The following TOX variants were observed in gnomAD, a reference collection of about 807,000 sequenced individuals.
TOX encodes the protein thymocyte selection associated high mobility group box, also known as thymocyte selection-associated high mobility group box protein TOX.
In TOX, 11 loss-of-function variants were observed where a neutral mutation model predicts 53.7. The ratio of observed to expected loss-of-function variants is 0.20; its 90% confidence interval spans 0.13 to 0.34. The LOEUF (loss-of-function observed/expected upper bound fraction) is 0.34, where lower values mean the gene tolerates loss of function less well. Ranked by LOEUF, TOX falls within the 10% of genes least tolerant of loss-of-function variation. TOX has a pLI of 1.00. For synonymous variants in TOX, 225 were observed against 245.3 expected, an observed-to-expected ratio of 0.92 and a Z score of 0.77; for missense variants, 570 against 664.6, an observed-to-expected ratio of 0.86 and a Z score of 1.56.
At chr8:58,877,405 C>T (rs947812201) in intron 3 of TOX, among the ~76,000 whole-genome samples, 1 of 152,092 alleles carries the variant, frequency 6.6e-6, no homozygotes, top group African/African-American at 2.4e-5. Flanking sequence ...TATAGTAGCA[C>T]CAGAGGGAAT....
chr8:58,869,958 G>T (rs939252088), intron 3 of TOX, among the ~76,000 whole-genome samples: 1 of 151,926 alleles, frequency 6.6e-6, no homozygotes, highest in African/African-American at 2.4e-5. Context: ...TAAATCCTAT[G>T]GTTGATATCA....
intron 1 of TOX, among the ~76,000 whole-genome samples, chr8:59,074,517 T>C (rs1804258749): frequency 6.6e-6 from 1 of 152,176 alleles, no homozygotes; most frequent in Non-Finnish European, 1.5e-5. Context: ...CCCCGACGGA[T>C]GAATCTTATT....
rs550207757 is a variant in TOX at position 59,058,738 on chromosome 8, C to T, written c.102+60148G>A. On this transcript the variant is annotated intron_variant, in intron 1 of 8. Transcript: ENST00000361421. ...CAGGTTCCAGAAGGAGCTCAGGAGGCTCCATGGTGCCTTTCCCCACCTGCA... is the reference window on the plus strand; with the variant it reads ...CAGGTTCCAGAAGGAGCTCAGGAGGTTCCATGGTGCCTTTCCCCACCTGCA... Among the ~76,000 whole-genome samples, 4 of 152,302 alleles carry T rather than the reference C, an allele frequency of 2.6e-5. No individual in the cohort carries two copies. In the East Asian group the frequency reaches 7.7e-4, roughly 29 times the overall value.
At chr8:58,840,422 G>A (rs10103680) in intron 4 of TOX, among the ~76,000 whole-genome samples, 26,775 of 151,860 alleles carry the variant, frequency 0.18, 3,427 homozygotes, top group African/African-American at 0.36. Flanking sequence ...CTTGATATTC[G>A]ACAAACTGGC....
intron 1 of TOX, among the ~76,000 whole-genome samples, chr8:59,011,985 C>T (rs1266516270): frequency 6.6e-6 from 1 of 152,188 alleles, no homozygotes. Context: ...AGCTCAGTTA[C>T]AACATGGCCT....
chr8:59,078,533 G>A (rs1203980400), intron 1 of TOX, among the ~76,000 whole-genome samples: 3 of 152,192 alleles, frequency 2.0e-5, no homozygotes, highest in Non-Finnish European at 4.4e-5. Context: ...CACCATGATT[G>A]TAAGCTTCCT....
intron 3 of TOX, among the ~76,000 whole-genome samples, chr8:58,909,692 C>T (rs1484200603): frequency 1.3e-5 from 2 of 149,756 alleles, no homozygotes; most frequent in African/African-American, 4.9e-5. Context: ...AAGTCTCACT[C>T]TGTCATCCAG....
chr8:58,887,222 G>A (rs4737525), intron 3 of TOX, among the ~76,000 whole-genome samples: 85,276 of 151,518 alleles, frequency 0.56, 24,837 homozygotes, highest in African/African-American at 0.71. Context: ...ATTTTATTTA[G>A]GTTTTTGTGT....
At chr8:58,996,745 T>G (rs538454258) in intron 1 of TOX, among the ~76,000 whole-genome samples, 1 of 152,350 alleles carries the variant, frequency 6.6e-6, no homozygotes, top group South Asian at 2.1e-4. Flanking sequence ...TTATGCCCAT[T>G]AGAAAACTAT....
intron 3 of TOX, among the ~76,000 whole-genome samples, chr8:58,863,545 G>T (rs894785364): frequency 6.6e-6 from 1 of 152,088 alleles, no homozygotes; most frequent in African/African-American, 2.4e-5. Flanking sequence ...TTTGTCACAG[G>T]GCGCCTGATC....
At chr8:58,974,874 T>C (rs1406348509) in intron 1 of TOX, among the ~76,000 whole-genome samples, 1 of 152,234 alleles carries the variant, frequency 6.6e-6, no homozygotes, top group African/African-American at 2.4e-5. Context: ...GCACTATTAA[T>C]TTTATGAATG....
intron 3 of TOX, among the ~76,000 whole-genome samples, chr8:58,931,294 T>A (rs1812249431): frequency 6.6e-6 from 1 of 151,944 alleles, no homozygotes; most frequent in Non-Finnish European, 1.5e-5. Context: ...AGCTCTGCCA[T>A]CCATTGTCAT....
At chr8:58,983,400 T>G (rs1813237721) in intron 1 of TOX, among the ~76,000 whole-genome samples, 2 of 152,216 alleles carry the variant, frequency 1.3e-5, no homozygotes, top group Admixed American at 6.5e-5. Flanking sequence ...CAACCACACT[T>G]AAAGAACCCC....
chr8:58,951,374 G>C (rs1812617338), intron 2 of TOX, among the ~76,000 whole-genome samples: 1 of 152,130 alleles, frequency 6.6e-6, no homozygotes. Flanking sequence ...GACACTGGGG[G>C]AGGAGGGTAC....
chr8:59,017,171 C>T (rs1181311092), intron 1 of TOX, among the ~76,000 whole-genome samples: 1 of 152,216 alleles, frequency 6.6e-6, no homozygotes, highest in East Asian at 1.9e-4. Flanking sequence ...TACTAACATT[C>T]CGCAAGTAGA....
chr8:58,952,983 C>T (rs1056267260), intron 2 of TOX, among the ~76,000 whole-genome samples: 6 of 151,928 alleles, frequency 3.9e-5, no homozygotes, highest in Non-Finnish European at 7.4e-5. Flanking sequence ...CATCCGCTGG[C>T]GAGGTTGATA....
intron 1 of TOX, among the ~76,000 whole-genome samples, chr8:59,114,495 A>C (rs921229582): frequency 3.3e-5 from 5 of 152,230 alleles, no homozygotes; most frequent in Admixed American, 6.5e-5. Flanking sequence ...GCATTTATTT[A>C]AAACATATTT....
At chr8:58,901,566 C>T (rs1241070147) in intron 3 of TOX, among the ~76,000 whole-genome samples, 1 of 152,090 alleles carries the variant, frequency 6.6e-6, no homozygotes, top group Non-Finnish European at 1.5e-5. Flanking sequence ...ATATTCCACT[C>T]ATATATGTTT....
rs1554537362 is a variant in TOX, at chr8:58,998,536, T to TTATATATAATAAATTTATATGTA, written c.103-38529_103-38528insTACATATAAATTTATTATATATA. On this transcript the variant is annotated intron_variant, in intron 1 of 8. Transcript: ENST00000361421. The stretch of plus-strand genomic sequence containing the variant: ...ATATATATATATATATATATATATA[T>TTATATATAATAAATTTATATGTA]ATAAATTTATATATAATAAATTTAT... Among the ~76,000 whole-genome samples the TTATATATAATAAATTTATATGTA allele has an allele frequency of 1.4e-3, 54 of 37,734 alleles. 1 individual carries two copies. Among genetic ancestry groups the TTATATATAATAAATTTATATGTA allele is most frequent in the African/African-American group, 7.2e-3 (54 of 7,530 alleles). 24.8% of individuals were successfully genotyped at this position (37,734 alleles called of 152,430 possible).
Sources: allele counts gnomAD v4.1 joint callset (sites outside exome capture counted in the v4.1 genomes callset), GRCh38; gene constraint gnomAD v4.1.1; transcripts MANE v1.5; gene names NCBI Gene and HGNC (gene_info 2026-07-23, HGNC 2026-07-21).